The following MTHFD1L variants were observed in gnomAD, a reference collection of about 807,000 sequenced individuals.
MTHFD1L encodes the protein monofunctional C1-tetrahydrofolate synthase, mitochondrial.
Under a neutral mutation model 119.5 loss-of-function variants are expected in MTHFD1L, and 81 were observed. The observed-to-expected ratio is 0.68, with a 90% CI of 0.57 to 0.82. MTHFD1L has a LOEUF of 0.82. Among genes scored for constraint, MTHFD1L ranks in the 40% least tolerant of loss-of-function variants. MTHFD1L has a pLI of 0.00. For synonymous variants in MTHFD1L, 430 were observed against 475.2 expected (o/e 0.90, Z 1.24); for missense variants, 1,125 against 1,253.4 (o/e 0.90, Z 1.55).
chr6:150,919,893 A>G (rs1244272623), intron 9 of MTHFD1L, among the ~76,000 whole-genome samples: 1 of 152,216 alleles, frequency 6.6e-6, no homozygotes, highest in Non-Finnish European at 1.5e-5. Flanking sequence ...AGGATCTCTC[A>G]TGCATTTGAA....
intron 1 of MTHFD1L, among the ~76,000 whole-genome samples, chr6:150,871,512 T>G (rs1779491695): frequency 7.0e-6 from 1 of 143,170 alleles, no homozygotes; most frequent in South Asian, 2.4e-4. Flanking sequence ...TTTTTTTTTT[T>G]TTTTTTTGAG....
intron 1 of MTHFD1L, among the ~76,000 whole-genome samples, chr6:150,868,440 A>G (rs1271072200): frequency 6.7e-6 from 1 of 150,278 alleles, no homozygotes; most frequent in East Asian, 2.0e-4. Context: ...CCCGGGTTCA[A>G]GCGATTCCCC....
chr6:151,056,794 T>TG (rs1790011640), intron 26 of MTHFD1L, among the ~76,000 whole-genome samples: 1 of 152,174 alleles, frequency 6.6e-6, no homozygotes, highest in Non-Finnish European at 1.5e-5. Flanking sequence ...CAAGCCTGTG[T>TG]GCTTGTCTGT....
intron 18 of MTHFD1L, among the ~76,000 whole-genome samples, chr6:150,963,685 G>A (rs1052972884): frequency 3.3e-5 from 5 of 152,166 alleles, no homozygotes; most frequent in African/African-American, 4.8e-5. Context: ...ATCTGTTAGC[G>A]CCATGGCATA....
chr6:151,066,568 A>T (rs1791295821), intron 26 of MTHFD1L, among the ~76,000 whole-genome samples: 1 of 151,136 alleles, frequency 6.6e-6, no homozygotes, highest in Non-Finnish European at 1.5e-5. Flanking sequence ...GATTGAGACC[A>T]TCCTGGCTGA....
intron 26 of MTHFD1L, among the ~76,000 whole-genome samples, chr6:151,060,844 A>G (rs1790522384): frequency 2.0e-5 from 3 of 152,178 alleles, no homozygotes; most frequent in African/African-American, 7.2e-5. Flanking sequence ...TCATAATTAC[A>G]TTCATGTTTC....
chr6:151,005,881 G>A (rs1408521652), intron 20 of MTHFD1L, among the ~76,000 whole-genome samples: 1 of 152,154 alleles, frequency 6.6e-6, no homozygotes, highest in Non-Finnish European at 1.5e-5. Context: ...ATGCCTTTCA[G>A]TAAAACCATT....
At chr6:151,037,972 C>G (rs1478023328) in intron 26 of MTHFD1L, among the ~76,000 whole-genome samples, 2 of 152,220 alleles carry the variant, frequency 1.3e-5, no homozygotes, top group Non-Finnish European at 2.9e-5. Context: ...CATACATTAT[C>G]ATAATTTTTT....
chr6:150,896,613 G>C (rs1244227305), intron 7 of MTHFD1L, among the ~76,000 whole-genome samples: 1 of 152,190 alleles, frequency 6.6e-6, no homozygotes, highest in Admixed American at 6.5e-5. Context: ...TTGTTTGACA[G>C]ATTTAGGGGG....
intron 1 of MTHFD1L, among the ~76,000 whole-genome samples, chr6:150,868,748 G>A (rs1197045089): frequency 6.6e-6 from 1 of 152,042 alleles, no homozygotes; most frequent in Non-Finnish European, 1.5e-5. Flanking sequence ...ATTATTAGTA[G>A]GTACATTTAT....
Position 151,012,035 on chromosome 6 carries a change from A to C in MTHFD1L, c.2266-1744A>C, listed in dbSNP as rs916033892. Among the ~76,000 whole-genome samples, 898 of 143,720 alleles carry C rather than the reference A, an allele frequency of 6.2e-3. 10 individuals carry two copies. Among genetic ancestry groups the C allele is most frequent in the African/African-American group, 0.02 (784 of 39,786 alleles). 94.3% of individuals were successfully genotyped at this position (143,720 alleles called of 152,430 possible). On this transcript the variant is annotated intron_variant, in intron 21 of 27. Coordinates refer to ENST00000367321, the MANE Select transcript of MTHFD1L (RefSeq NM_015440.5). Reference sequence around the variant, plus strand: ...CAACAACAACAAAAAAAAAAAAAAAAAAAAAAAAAAAAAAAACCAGCAGGG... The same window carrying C: ...CAACAACAACAAAAAAAAAAAAAAACAAAAAAAAAAAAAAAACCAGCAGGG...
chr6:151,082,273 G>A (rs1793271402), intron 26 of MTHFD1L, among the ~76,000 whole-genome samples: 1 of 152,178 alleles, frequency 6.6e-6, no homozygotes, highest in Non-Finnish European at 1.5e-5. Flanking sequence ...GGCTGCACAA[G>A]AGTTGGTAGT....
intron 8 of MTHFD1L, among the ~76,000 whole-genome samples, 168 bp from the exon 9 acceptor site, chr6:150,918,409 G>C (rs941199220): frequency 4.6e-5 from 7 of 152,188 alleles, no homozygotes; most frequent in African/African-American, 1.7e-4. Context: ...CCCAATGGAG[G>C]GCCCCAAGCC....
At chr6:150,916,737 CTTTTTT>C (rs57961829) in intron 8 of MTHFD1L, among the ~76,000 whole-genome samples, 2 of 72,136 alleles carry the variant, frequency 2.8e-5, no homozygotes, top group African/African-American at 4.4e-5. Flanking sequence ...GATTCTATCC[CTTTTTT>C]TTTTTTTTTT....
At chr6:150,929,495 C>T (rs949823107) in intron 11 of MTHFD1L, among the ~76,000 whole-genome samples, 1 of 152,204 alleles carries the variant, frequency 6.6e-6, no homozygotes, top group Non-Finnish European at 1.5e-5. Flanking sequence ...TGGCTCTGAC[C>T]TTAGCTTGGA....
rs150838189 is a variant in MTHFD1L, at chr6:150,937,369, C to A, written c.1393+429C>A. The stretch of plus-strand genomic sequence containing the variant: ...GCAGAGCTCTCTGGAGACGGACTGG[C>A]TGTGGACAGCGAGTCGTGATGAAAT... On this transcript the variant is annotated intron_variant, in intron 12 of 27. Transcript: ENST00000367321. 1.1e-3 allele frequency among the ~76,000 whole-genome samples: 160 copies of A among 152,294 alleles called. 4 individuals carry two copies. Among genetic ancestry groups the A allele is most frequent in the East Asian group, 2.1e-3 (11 of 5,176 alleles).
intron 24 of MTHFD1L, among the ~76,000 whole-genome samples, chr6:151,028,185 C>T (rs965873578): frequency 7.2e-5 from 11 of 152,072 alleles, no homozygotes; most frequent in Non-Finnish European, 1.2e-4. Flanking sequence ...TGTGGGTGGT[C>T]GCGCTTGTCC....
At chr6:150,991,981 A>G (rs559329252) in intron 20 of MTHFD1L, among the ~76,000 whole-genome samples, 2 of 152,304 alleles carry the variant, frequency 1.3e-5, no homozygotes, top group East Asian at 1.9e-4. Flanking sequence ...GTCTCATTCA[A>G]TGTCTTTAAA....
At chr6:150,921,504 G>A (rs1051710413) in intron 9 of MTHFD1L, among the ~76,000 whole-genome samples, 5 of 151,818 alleles carry the variant, frequency 3.3e-5, no homozygotes, top group Admixed American at 1.3e-4. Flanking sequence ...TGCCCACCTC[G>A]GCCTCCCAAA....
Sources: gnomAD v4.1 joint callset for allele counts (sites outside exome capture counted in the v4.1 genomes callset) on GRCh38, gnomAD v4.1.1 for gene constraint, MANE v1.5 for transcripts, NCBI Gene and HGNC (gene_info 2026-07-23, HGNC 2026-07-21) for gene names.